UBR1: variants seen among roughly 807,000 people sequenced by gnomAD.
UBR1 encodes E3 ubiquitin-protein ligase UBR1.
In UBR1, 102 loss-of-function variants were observed where a neutral mutation model predicts 242.1. The observed-to-expected ratio is 0.42, with a 90% confidence interval of 0.36 to 0.50. UBR1 has a LOEUF of 0.50. UBR1 is among the 20% of genes least tolerant of loss of function. The pLI, the probability that UBR1 is intolerant of heterozygous loss-of-function variation, is 0.01. For missense variants in UBR1, 1,772 were observed against 2,101.8 expected (o/e 0.84, Z 3.07); for synonymous variants, 675 against 684.8 (o/e 0.99, Z 0.22).
chr15:43,093,140 A>T (rs1196131525), intron 1 of UBR1, among the ~76,000 whole-genome samples: 1 of 152,232 alleles, frequency 6.6e-6, no homozygotes, highest in Non-Finnish European at 1.5e-5. Flanking sequence ...ATTCCCAAAC[A>T]TTCCAAACAT....
At chr15:43,058,189 C>T (rs970345454) in intron 10 of UBR1, 152 bp downstream of exon 10, 16 of 595,650 alleles carry the variant, frequency 2.7e-5, no homozygotes, top group South Asian at 1.2e-4. Flanking sequence ...GGATTACAGG[C>T]GTGAGCCAAC....
At chr15:43,086,905 G>C (rs2034042758) in intron 1 of UBR1, among the ~76,000 whole-genome samples, 1 of 152,186 alleles carries the variant, frequency 6.6e-6, no homozygotes, top group Non-Finnish European at 1.5e-5. Flanking sequence ...ATCTCAGGAG[G>C]CTGAAGTGGG....
chr15:42,978,892 C>CTTT (rs754093273), intron 37 of UBR1, among the ~76,000 whole-genome samples: 9 of 94,050 alleles, frequency 9.6e-5, no homozygotes, highest in Non-Finnish European at 1.5e-4. Flanking sequence ...CCACGCCCGG[C>CTTT]TTTTTTTTTT....
intron 1 of UBR1, among the ~76,000 whole-genome samples, chr15:43,101,582 C>T (rs2034235493): frequency 6.6e-6 from 1 of 152,138 alleles, no homozygotes; most frequent in Non-Finnish European, 1.5e-5. Flanking sequence ...GTAATCCCAG[C>T]AACTGGGGAG....
At chr15:43,010,426 A>C (rs2032905377) in intron 29 of UBR1, among the ~76,000 whole-genome samples, 1 of 152,204 alleles carries the variant, frequency 6.6e-6, no homozygotes, top group South Asian at 2.1e-4. Context: ...ACAGAGTGAA[A>C]ATGGGAAGTT....
intron 10 of UBR1, among the ~76,000 whole-genome samples, chr15:43,057,948 T>C (rs577275767): frequency 1.3e-5 from 2 of 152,070 alleles, no homozygotes; most frequent in Admixed American, 1.3e-4. Flanking sequence ...CTCACTCTGT[T>C]GCCCAGACTA....
chr15:42,965,674 C>T (rs2032094197), intron 41 of UBR1, among the ~76,000 whole-genome samples: 1 of 152,092 alleles, frequency 6.6e-6, no homozygotes, highest in Non-Finnish European at 1.5e-5. Context: ...ACCATGTTGG[C>T]CTTGCTGGTC....
chr15:43,071,770 A>C (rs2033827632), intron 4 of UBR1, among the ~76,000 whole-genome samples: 1 of 152,256 alleles, frequency 6.6e-6, no homozygotes, highest in Non-Finnish European at 1.5e-5. Flanking sequence ...AAGCTTGTTC[A>C]AGCCAATGAG....
At chr15:43,046,203 A>G (rs566359844) in intron 14 of UBR1, among the ~76,000 whole-genome samples, 1 of 152,230 alleles carries the variant, frequency 6.6e-6, no homozygotes, top group Admixed American at 6.5e-5. Flanking sequence ...AAGCCAAAAA[A>G]TACATGCTGT....
chr15:43,008,935 TG>T (rs576523935), intron 29 of UBR1, among the ~76,000 whole-genome samples: 475 of 152,332 alleles, frequency 3.1e-3, no homozygotes, highest in African/African-American at 0.011. Context: ...CTACCCACTT[TG>T]GGTCCCTAGA....
intron 6 of UBR1, among the ~76,000 whole-genome samples, chr15:43,065,150 A>T (rs2033736581): frequency 6.6e-6 from 1 of 152,212 alleles, no homozygotes; most frequent in South Asian, 2.1e-4. Context: ...AGTAAAATGT[A>T]GCAATAGTAA....
chr15:43,102,101 C>A (rs533291726), intron 1 of UBR1, among the ~76,000 whole-genome samples: 1 of 152,088 alleles, frequency 6.6e-6, no homozygotes, highest in East Asian at 1.9e-4. Flanking sequence ...GATCATACCG[C>A]TGGAAACAAC....
At position 43,075,699 on chromosome 15, in the gene UBR1, T is replaced by C. The variant is rs181602099; in HGVS notation, c.418-610A>G. Among the ~76,000 whole-genome samples the C allele has an allele frequency of 8.9e-4, 135 of 151,268 alleles. 1 individual carries two copies. Among genetic ancestry groups the C allele is most frequent in the Non-Finnish European group, 1.5e-5 (1 of 67,878 alleles). On this transcript the variant is annotated intron_variant, in intron 3 of 46. Transcript: ENST00000290650. ...GGCGTGATCTTGGCTCACCGCAACC[T>C]CTGCCTCCCGGGTTCAAGCGATTCT...
intron 4 of UBR1, among the ~76,000 whole-genome samples, chr15:43,074,689 AG>A (rs1259694149): frequency 6.6e-6 from 1 of 152,208 alleles, no homozygotes; most frequent in Admixed American, 6.5e-5. Context: ...CCAAAGTGCC[AG>A]GATTACAGGC....
chr15:43,053,191 A>C (rs1018884010), intron 12 of UBR1, among the ~76,000 whole-genome samples: 1 of 152,210 alleles, frequency 6.6e-6, no homozygotes, highest in African/African-American at 2.4e-5. Context: ...CAGAAGATTT[A>C]AAGTTGCCTT....
rs562855384 is a variant in UBR1 at position 42,943,434 on chromosome 15, A to G, written c.*1895T>C. ...GCAGCACTGAGACATACGCTCATCT[A>G]CAGTGCAAAAATCTGAATCAATCTC... On this transcript the variant is annotated 3_prime_UTR_variant, in exon 47 of 47. Coordinates refer to ENST00000290650, the MANE Select transcript of UBR1 (RefSeq NM_174916.3). The G allele has an allele frequency of 1.6e-3, 241 of 152,588 alleles. No homozygotes were observed. Among genetic ancestry groups the G allele is most frequent in the Non-Finnish European group, 1.8e-3 (124 of 68,046 alleles). 9.5% of individuals were successfully genotyped at this position (152,588 alleles called of 1,614,324 possible).
chr15:43,054,484 T>C (rs2033592920), intron 12 of UBR1, among the ~76,000 whole-genome samples: 1 of 152,204 alleles, frequency 6.6e-6, no homozygotes, highest in Non-Finnish European at 1.5e-5. Flanking sequence ...GGCAATGCAT[T>C]TGGTGACCCC....
chr15:42,965,660 T>A (rs530585057), intron 41 of UBR1, among the ~76,000 whole-genome samples: 4 of 151,632 alleles, frequency 2.6e-5, no homozygotes, highest in Non-Finnish European at 4.4e-5. Context: ...AGAGACGGGG[T>A]TTCACCATGT....
rs1057111491 is a variant in UBR1 at position 42,944,958 on chromosome 15, T to C, written c.*371A>G. On this transcript the variant is annotated 3_prime_UTR_variant, in exon 47 of 47. Coordinates refer to ENST00000290650, the MANE Select transcript of UBR1 (RefSeq NM_174916.3). The stretch of plus-strand genomic sequence containing the variant: ...TGATCCAATGTCAGTTGAACTAAAC[T>C]TGGGGGGAAAACACCAAATACAAAA... 2.6e-5 allele frequency: 7 copies of C among 270,190 alleles called. No homozygotes were observed. Among genetic ancestry groups the C allele is most frequent in the Non-Finnish European group, 4.3e-5 (6 of 138,682 alleles). 16.7% of individuals were successfully genotyped at this position (270,190 alleles called of 1,614,324 possible).
Sources: allele counts gnomAD v4.1 joint callset (sites outside exome capture counted in the v4.1 genomes callset), GRCh38; gene constraint gnomAD v4.1.1; transcripts MANE v1.5; gene names NCBI Gene and HGNC (gene_info 2026-07-23, HGNC 2026-07-21).